The following VPS8 variants were observed in gnomAD, a reference collection of about 807,000 sequenced individuals.
VPS8 encodes the protein VPS8 subunit of CORVET complex, also known as vacuolar protein sorting-associated protein 8 homolog.
A neutral mutation model predicts 216.4 loss-of-function variants in VPS8; 129 were observed. That is an observed-to-expected ratio of 0.60 (90% CI 0.52 to 0.69). The LOEUF (loss-of-function observed/expected upper bound fraction) is 0.69, where lower values mean the gene tolerates loss of function less well. VPS8 is among the 30% of genes least tolerant of loss of function. The pLI, the probability that VPS8 is intolerant of heterozygous loss-of-function variation, is 0.00. For synonymous variants in VPS8, 571 were observed against 565.4 expected (o/e 1.01, Z -0.14); for missense variants, 1,531 against 1,683.5 (o/e 0.91, Z 1.59).
chr3:184,940,191 G>C lies in VPS8; in HGVS notation c.2989-6G>C. 6 of 1,483,304 alleles carry C rather than the reference G, an allele frequency of 4.0e-6. No homozygotes were observed. Among genetic ancestry groups the C allele is most frequent in the Non-Finnish European group, 5.4e-6 (6 of 1,106,948 alleles). 91.9% of individuals were successfully genotyped at this position (1,483,304 alleles called of 1,614,324 possible). On this transcript the variant is annotated splice_polypyrimidine_tract_variant and splice_region_variant and intron_variant, in intron 35 of 47. Coordinates refer to ENST00000625842, the MANE Select transcript of VPS8 (RefSeq NM_001009921.3). ...TAATTGTAATTTTTATTGTTTTTCTGTTCAGAACCAGGTTTTGCTTTTCAA... is the reference window on the plus strand; with the variant it reads ...TAATTGTAATTTTTATTGTTTTTCTCTTCAGAACCAGGTTTTGCTTTTCAA...
intron 45 of VPS8, among the ~76,000 whole-genome samples, chr3:185,004,441 C>T (rs565803588): frequency 1.4e-3 from 212 of 152,306 alleles, no homozygotes; most frequent in African/African-American, 4.7e-3. Context: ...CACAGTCCAG[C>T]CTCGGCTCGG....
chr3:184,864,038 C>G (rs1361032598), intron 16 of VPS8, among the ~76,000 whole-genome samples: 1 of 150,708 alleles, frequency 6.6e-6, no homozygotes, highest in Admixed American at 6.6e-5. Flanking sequence ...ATTAAAAATA[C>G]TAGTGGACTT....
chr3:184,861,385 T>A (rs1016320607), intron 15 of VPS8, among the ~76,000 whole-genome samples: 6 of 152,236 alleles, frequency 3.9e-5, no homozygotes, highest in Non-Finnish European at 8.8e-5. Flanking sequence ...TGTAATTTTT[T>A]AGGATATAGA....
intron 45 of VPS8, among the ~76,000 whole-genome samples, chr3:185,009,784 C>T (rs573636763): frequency 1.4e-3 from 210 of 152,064 alleles, no homozygotes; most frequent in African/African-American, 3.4e-3. Flanking sequence ...AGAGGGAGAA[C>T]GAAGGCAGAG....
rs756172890 is a variant in VPS8, at chr3:184,894,508, G to GTATATA, written c.1782-176_1782-171dup. Among the ~76,000 whole-genome samples the GTATATA allele has an allele frequency of 2.7e-3, 353 of 133,118 alleles. 4 individuals carry two copies. The highest frequency in any genetic ancestry group is 5.1e-3 in the African/African-American group (186 of 36,360). 87.3% of individuals were successfully genotyped at this position (133,118 alleles called of 152,430 possible). On this transcript the variant is annotated intron_variant, in intron 22 of 47. Transcript: ENST00000625842. ...TTTATATATATGTATATATACACAC[G>GTATATA]TATATATATATATATATATATATAC...
intron 11 of VPS8, 87 bp downstream of exon 11, chr3:184,852,654 G>A: frequency 1.6e-6 from 2 of 1,288,050 alleles, no homozygotes; most frequent in Non-Finnish European, 1.1e-6. Context: ...GGACTAGAAA[G>A]CCCCTGTAAT....
At chr3:184,858,163 G>C (rs1413103523) in intron 14 of VPS8, among the ~76,000 whole-genome samples, 1 of 152,156 alleles carries the variant, frequency 6.6e-6, no homozygotes, top group African/African-American at 2.4e-5. Flanking sequence ...TTTCTTCAGT[G>C]TTCTGTTACC....
chr3:184,972,892 A>G (rs1356851375), intron 40 of VPS8, among the ~76,000 whole-genome samples: 1 of 152,186 alleles, frequency 6.6e-6, no homozygotes, highest in Non-Finnish European at 1.5e-5. Context: ...GCCTCTTTCT[A>G]ATGCCTGGGT....
At chr3:184,991,438 G>C (rs1415153351) in intron 42 of VPS8, among the ~76,000 whole-genome samples, 1 of 152,108 alleles carries the variant, frequency 6.6e-6, no homozygotes, top group Non-Finnish European at 1.5e-5. Flanking sequence ...TTTATATGTT[G>C]TCCCAGCATG....
chr3:184,928,360 A>C lies in VPS8; in HGVS notation c.2632-91A>C, dbSNP rs58216206. ...CATCAACTAAGAATACAAAAGAAAA[A>C]AATTAAATGTTATAGTCTGCATGGC... On this transcript the variant is annotated intron_variant, in intron 31 of 47. Transcript: ENST00000625842. 6.3e-5 allele frequency: 77 copies of C among 1,219,752 alleles called. No homozygotes were observed. The East Asian group carries it at 2.1e-3, about 33-fold the overall frequency. 75.6% of individuals were successfully genotyped at this position (1,219,752 alleles called of 1,614,324 possible).
At chr3:184,993,843 C>T (rs867932799) in intron 42 of VPS8, 140 bp from the exon 43 acceptor site, 89 of 658,554 alleles carry the variant, frequency 1.4e-4, no homozygotes, top group Middle Eastern at 4.2e-4. Context: ...GGTACATTTC[C>T]GGTGGAAAGT....
intron 46 of VPS8, among the ~76,000 whole-genome samples, chr3:185,029,886 G>A (rs1467136908): frequency 6.6e-6 from 1 of 152,138 alleles, no homozygotes; most frequent in Non-Finnish European, 1.5e-5. Context: ...CTTTTTACTA[G>A]CATTTTGCAT....
At chr3:184,981,683 G>A (rs939121752) in intron 40 of VPS8, among the ~76,000 whole-genome samples, 5 of 152,104 alleles carry the variant, frequency 3.3e-5, no homozygotes, top group South Asian at 2.1e-4. Context: ...TGGTCTGCCC[G>A]CCTCGGCCTC....
chr3:184,914,440 G>A (rs1406790536), intron 26 of VPS8, among the ~76,000 whole-genome samples: 1 of 152,200 alleles, frequency 6.6e-6, no homozygotes, highest in African/African-American at 2.4e-5. Flanking sequence ...CAAGTCTTTA[G>A]CCATGAAGAA....
At chr3:184,914,948 G>T (rs370992590) in intron 26 of VPS8, 33 bp from the exon 27 acceptor site, 19 of 1,600,018 alleles carry the variant, frequency 1.2e-5, no homozygotes, top group Middle Eastern at 3.3e-4. Context: ...CCCTTTACAA[G>T]TCACCATATC....
At chr3:184,892,641 A>T (rs1445629084) in intron 22 of VPS8, among the ~76,000 whole-genome samples, 3 of 152,188 alleles carry the variant, frequency 2.0e-5, no homozygotes, top group African/African-American at 7.2e-5. Flanking sequence ...TGCAAATAGG[A>T]GTTGCTGAGC....
chr3:184,860,540 T>C (rs1031983428), intron 15 of VPS8, among the ~76,000 whole-genome samples: 2 of 151,840 alleles, frequency 1.3e-5, no homozygotes, highest in African/African-American at 4.8e-5. Context: ...AAACTCTGAA[T>C]GTGGTGTGAT....
chr3:184,818,858 T>C (rs916949152), intron 1 of VPS8, among the ~76,000 whole-genome samples: 10 of 151,484 alleles, frequency 6.6e-5, no homozygotes, highest in South Asian at 2.1e-4. Context: ...TAGGAATAAA[T>C]GTTTCCCAAG....
intron 32 of VPS8, among the ~76,000 whole-genome samples, chr3:184,928,981 A>G (rs1352387452): frequency 6.6e-6 from 1 of 152,164 alleles, no homozygotes; most frequent in Non-Finnish European, 1.5e-5. Context: ...AAATTTTTGT[A>G]AATTATCAAT....
Sources: gnomAD v4.1 joint callset for allele counts (sites outside exome capture counted in the v4.1 genomes callset) on GRCh38, gnomAD v4.1.1 for gene constraint, MANE v1.5 for transcripts, NCBI Gene and HGNC (gene_info 2026-07-23, HGNC 2026-07-21) for gene names.